The following BTBD10 variants were observed in gnomAD, a reference collection of about 807,000 sequenced individuals.
BTBD10 encodes BTB/POZ domain-containing protein 10.
Under a neutral mutation model 53.2 loss-of-function variants are expected in BTBD10, and 21 were observed. That is an observed-to-expected ratio of 0.39 (90% CI 0.28 to 0.57). BTBD10 has a LOEUF of 0.57. Ranked by LOEUF, BTBD10 falls within the 20% of genes least tolerant of loss-of-function variation. The probability of loss-of-function intolerance (pLI) is 0.53; values close to 1 mark genes in which losing one functional copy is unlikely to be tolerated. For synonymous variants in BTBD10, 149 were observed against 192.7 expected, an observed-to-expected ratio of 0.77 and a Z score of 1.88; for missense variants, 360 against 594.7, an observed-to-expected ratio of 0.61 and a Z score of 4.10.
At position 13,411,833 on chromosome 11, in the gene BTBD10, CT is replaced by C. The variant is rs749745152; in HGVS notation, c.808+1696del. Among the ~76,000 whole-genome samples, 385 of 142,794 alleles carry C rather than the reference CT, an allele frequency of 2.7e-3. 1 individual carries two copies. Among genetic ancestry groups the C allele is most frequent in the Admixed American group, 2.4e-3 (34 of 14,264 alleles). The allele number at this position is 142,794 out of a possible 152,430, so 93.7% of individuals were successfully genotyped here. ...ATAATGCTCATGGTTTCAACTAAAA[CT>C]TTTTTTTTTTTTTTGAGATGGAGTT... On this transcript the variant is annotated intron_variant, in intron 6 of 8. Coordinates refer to ENST00000278174, the MANE Select transcript of BTBD10 (RefSeq NM_032320.7).
chr11:13,448,413 A>G (rs1950788948), intron 1 of BTBD10, among the ~76,000 whole-genome samples: 1 of 152,212 alleles, frequency 6.6e-6, no homozygotes, highest in African/African-American at 2.4e-5. Context: ...CAGGATTTAT[A>G]CACTACATAG....
intron 6 of BTBD10, 124 bp downstream of exon 6, chr11:13,413,406 T>G: frequency 2.7e-6 from 2 of 752,454 alleles, no homozygotes; most frequent in East Asian, 6.1e-5. Context: ...TTTGTGGTAC[T>G]AGAATGCTTT....
At chr11:13,397,739 G>C (rs1949594056) in intron 8 of BTBD10, among the ~76,000 whole-genome samples, 1 of 152,128 alleles carries the variant, frequency 6.6e-6, no homozygotes, top group African/African-American at 2.4e-5. Context: ...CTGGTATGTT[G>C]TGTCTTTTTT....
At chr11:13,454,921 G>A (rs2134056722) in intron 1 of BTBD10, among the ~76,000 whole-genome samples, 1 of 152,038 alleles carries the variant, frequency 6.6e-6, no homozygotes, top group South Asian at 2.1e-4. Flanking sequence ...AATTATTTAT[G>A]TATTTAGAGA....
Position 13,417,143 on chromosome 11 carries a change from A to G in BTBD10, c.687+15T>C. The G allele has an allele frequency of 6.3e-7, 1 of 1,595,444 alleles. No homozygotes were observed. The highest frequency in any genetic ancestry group is 8.6e-7 in the Non-Finnish European group (1 of 1,167,108). ...GCGTCTTATGATTAAGTCAATACTC[A>G]TAAGAAACACTCACCAGAATCGCTC... On this transcript the variant is annotated intron_variant, in intron 5 of 8. Coordinates refer to ENST00000278174, the MANE Select transcript of BTBD10 (RefSeq NM_032320.7).
chr11:13,462,116 A>T (rs1951114631), intron 1 of BTBD10, among the ~76,000 whole-genome samples: 1 of 152,052 alleles, frequency 6.6e-6, no homozygotes, highest in East Asian at 1.9e-4. Context: ...TCTTTATTAT[A>T]TCTCTTATTC....
chr11:13,416,931 G>A (rs534348587), intron 5 of BTBD10, among the ~76,000 whole-genome samples: 75 of 152,288 alleles, frequency 4.9e-4, no homozygotes, highest in African/African-American at 1.6e-3. Context: ...GCTGCAGTGA[G>A]CTATGATTGT....
At chr11:13,393,937 AT>A (rs1379744239) in intron 8 of BTBD10, among the ~76,000 whole-genome samples, 1 of 152,224 alleles carries the variant, frequency 6.6e-6, no homozygotes, top group Non-Finnish European at 1.5e-5. Flanking sequence ...AGAGATAATG[AT>A]AGCTAACCAA....
At chr11:13,448,979 C>T (rs912163179) in intron 1 of BTBD10, among the ~76,000 whole-genome samples, 38 of 152,092 alleles carry the variant, frequency 2.5e-4, no homozygotes, top group African/African-American at 8.9e-4. Context: ...TCAAAATAAT[C>T]TAGAAATCAT....
At chr11:13,425,239 T>A (rs1034480233) in intron 2 of BTBD10, among the ~76,000 whole-genome samples, 12 of 152,162 alleles carry the variant, frequency 7.9e-5, no homozygotes, top group Non-Finnish European at 1.5e-4. Flanking sequence ...AATTAGAAGG[T>A]TCTAAAATGG....
intron 1 of BTBD10, among the ~76,000 whole-genome samples, chr11:13,458,441 T>G (rs1951018976): frequency 6.6e-6 from 1 of 152,164 alleles, no homozygotes; most frequent in Non-Finnish European, 1.5e-5. Context: ...TGAACAAGTT[T>G]TTCATATATC....
chr11:13,416,702 A>T (rs1300534575), intron 5 of BTBD10, among the ~76,000 whole-genome samples: 1 of 152,170 alleles, frequency 6.6e-6, no homozygotes, highest in South Asian at 2.1e-4. Flanking sequence ...AGAGCATGGC[A>T]TGGTGGCTCA....
intron 1 of BTBD10, among the ~76,000 whole-genome samples, chr11:13,448,276 T>C (rs189991568): frequency 6.6e-6 from 1 of 152,290 alleles, no homozygotes; most frequent in Admixed American, 6.5e-5. Flanking sequence ...AGTTGTACTG[T>C]TGCCTCATCC....
intron 8 of BTBD10, among the ~76,000 whole-genome samples, chr11:13,397,191 A>G (rs1009867864): frequency 3.4e-4 from 52 of 152,168 alleles, no homozygotes; most frequent in Admixed American, 7.9e-4. Context: ...TTAGTTGGTA[A>G]GCTATTAATT....
At chr11:13,394,348 G>A (rs1207117841) in intron 8 of BTBD10, among the ~76,000 whole-genome samples, 1 of 152,154 alleles carries the variant, frequency 6.6e-6, no homozygotes, top group Non-Finnish European at 1.5e-5. Context: ...AGATCTGACG[G>A]TTTAAAAGTA....
At chr11:13,427,494 A>G (rs1415822467) in intron 2 of BTBD10, among the ~76,000 whole-genome samples, 2 of 152,170 alleles carry the variant, frequency 1.3e-5, no homozygotes, top group Non-Finnish European at 2.9e-5. Flanking sequence ...AAAACTGATA[A>G]AACTATGAGA....
intron 3 of BTBD10, 133 bp from the exon 4 acceptor site, chr11:13,419,878 A>C: frequency 2.2e-6 from 2 of 903,530 alleles, no homozygotes; most frequent in Non-Finnish European, 3.2e-6. Flanking sequence ...ATTTCAAATA[A>C]GATGTTAACA....
intron 2 of BTBD10, among the ~76,000 whole-genome samples, chr11:13,433,502 G>GT (rs1950491094): frequency 6.6e-6 from 1 of 152,088 alleles, no homozygotes; most frequent in Non-Finnish European, 1.5e-5. Flanking sequence ...CTCTGTTTCG[G>GT]TTTTTTAAAC....
chr11:13,392,856 A>C (rs1032127307), intron 8 of BTBD10, among the ~76,000 whole-genome samples: 1 of 152,184 alleles, frequency 6.6e-6, no homozygotes, highest in African/African-American at 2.4e-5. Context: ...TTCTGTTCTA[A>C]GTCTCAGCCA....
Sources: gnomAD v4.1 joint callset for allele counts (sites outside exome capture counted in the v4.1 genomes callset) on GRCh38, gnomAD v4.1.1 for gene constraint, MANE v1.5 for transcripts, NCBI Gene and HGNC (gene_info 2026-07-23, HGNC 2026-07-21) for gene names.